KHDRBS2: variants seen among roughly 807,000 people sequenced by gnomAD.
KHDRBS2 encodes the protein KH RNA binding domain containing, signal transduction associated 2.
KHDRBS2 carries 26 observed loss-of-function variants against 44.3 expected under a neutral mutation model. The observed-to-expected ratio is 0.59, with a 90% CI of 0.43 to 0.81. KHDRBS2 has a LOEUF of 0.81. Among genes scored for constraint, KHDRBS2 ranks in the 40% least tolerant of loss-of-function variants. The pLI is 0.00. For missense variants in KHDRBS2, 476 were observed against 433.1 expected (o/e 1.10, Z -0.88); for synonymous variants, 194 against 151.1 (o/e 1.28, Z -2.08).
intron 8 of KHDRBS2, among the ~76,000 whole-genome samples, chr6:61,686,138 A>C (rs934388831): frequency 3.3e-5 from 5 of 151,752 alleles, no homozygotes; most frequent in African/African-American, 9.7e-5. Flanking sequence ...ATTTGTCTGT[A>C]TATCTGAAAT....
rs1562489972 is a variant in KHDRBS2, at chr6:61,945,103, A to ATATATATATATATGT, written c.483+32962_483+32963insACATATATATATATA. Among the ~76,000 whole-genome samples, 13 of 44,812 alleles carry ATATATATATATATGT rather than the reference A, an allele frequency of 2.9e-4. 3 individuals are homozygous for ATATATATATATATGT. The highest frequency in any genetic ancestry group is 7.6e-4 in the South Asian group (1 of 1,324). 29.4% of individuals were successfully genotyped at this position (44,812 alleles called of 152,430 possible). On this transcript the variant is annotated intron_variant, in intron 4 of 8. Transcript: ENST00000281156. Reference sequence around the variant, plus strand: ...GAGACTCTGTCTTAAAAAAAAAAAAAAAAAAAAAAGTATATATATATATAT... The same window carrying ATATATATATATATGT: ...GAGACTCTGTCTTAAAAAAAAAAAAATATATATATATATGTAAAAAAAAAGTATATATATATATAT...
At chr6:61,964,720 T>C (rs1382663182) in intron 4 of KHDRBS2, among the ~76,000 whole-genome samples, 1 of 152,062 alleles carries the variant, frequency 6.6e-6, no homozygotes, top group African/African-American at 2.4e-5. Context: ...ATTGTCTTGG[T>C]CTAGATTTCA....
chr6:62,164,557 T>G (rs1345978680), intron 2 of KHDRBS2, among the ~76,000 whole-genome samples: 1 of 151,840 alleles, frequency 6.6e-6, no homozygotes, highest in Admixed American at 6.6e-5. Flanking sequence ...AAATTATCTG[T>G]CTTACATTTA....
At chr6:62,264,525 G>A (rs765165803) in intron 1 of KHDRBS2, among the ~76,000 whole-genome samples, 1 of 151,630 alleles carries the variant, frequency 6.6e-6, no homozygotes, top group Admixed American at 6.6e-5. Context: ...GCATGGGTTG[G>A]CTATTTTCTT....
intron 2 of KHDRBS2, among the ~76,000 whole-genome samples, chr6:62,111,786 G>A (rs1428784576): frequency 6.6e-6 from 1 of 152,026 alleles, no homozygotes; most frequent in African/African-American, 2.4e-5. Flanking sequence ...TGAGGCTGAG[G>A]TGAAAGGATC....
At chr6:62,043,443 C>G (rs1190194169) in intron 3 of KHDRBS2, among the ~76,000 whole-genome samples, 2 of 152,028 alleles carry the variant, frequency 1.3e-5, no homozygotes, top group African/African-American at 2.4e-5. Context: ...TGTATATTTT[C>G]CTTTCTAGAT....
At chr6:61,970,593 A>G (rs1280843831) in intron 4 of KHDRBS2, among the ~76,000 whole-genome samples, 1 of 152,184 alleles carries the variant, frequency 6.6e-6, no homozygotes, top group Non-Finnish European at 1.5e-5. Flanking sequence ...CACATCGAAG[A>G]GTCCACTGAG....
At chr6:61,753,205 T>C (rs577116386) in intron 6 of KHDRBS2, among the ~76,000 whole-genome samples, 2 of 152,180 alleles carry the variant, frequency 1.3e-5, no homozygotes, top group East Asian at 3.9e-4. Flanking sequence ...CCATGTATCA[T>C]CCCTCTTTGT....
intron 6 of KHDRBS2, among the ~76,000 whole-genome samples, chr6:61,760,413 G>A (rs1364365187): frequency 1.3e-5 from 2 of 152,038 alleles, no homozygotes; most frequent in African/African-American, 2.4e-5. Context: ...CAGGTGGATC[G>A]CTTGAGCACA....
rs1468605850 is a variant in KHDRBS2 at position 62,128,518 on chromosome 6, T to G, written c.219+48667A>C. 2.0e-5 allele frequency among the ~76,000 whole-genome samples: 3 copies of G among 151,106 alleles called. No homozygotes were observed. The East Asian group carries it at 5.9e-4, about 30-fold the overall frequency. On this transcript the variant is annotated intron_variant, in intron 2 of 8. Coordinates refer to ENST00000281156, the MANE Select transcript of KHDRBS2 (RefSeq NM_152688.4). ...TGAGACACCATTTAAGTCAAAAATT[T>G]AATGATCTCTAAATTTCTTTTAATG...
At chr6:62,044,494 CAGAAAAAAAA>C (rs1237145575) in intron 3 of KHDRBS2, among the ~76,000 whole-genome samples, 1 of 148,660 alleles carries the variant, frequency 6.7e-6, no homozygotes, top group African/African-American at 2.5e-5. Flanking sequence ...GAGACACTGT[CAGAAAAAAAA>C]AGAAAAAGAA....
intron 2 of KHDRBS2, among the ~76,000 whole-genome samples, chr6:62,127,229 G>C (rs1809178383): frequency 6.6e-6 from 1 of 152,136 alleles, no homozygotes; most frequent in Non-Finnish European, 1.5e-5. Context: ...TATATTGAAA[G>C]TGTTTTGAAG....
intron 6 of KHDRBS2, among the ~76,000 whole-genome samples, chr6:61,741,757 A>G (rs1310480790): frequency 6.6e-6 from 1 of 152,012 alleles, no homozygotes; most frequent in Non-Finnish European, 1.5e-5. Flanking sequence ...TAAAGAGAAC[A>G]GAAGTGTCTT....
chr6:61,554,615 T>C, the KHDRBS2 span, among the ~76,000 whole-genome samples: 1 of 152,206 alleles, frequency 6.6e-6, no homozygotes, highest in African/African-American at 2.4e-5. Context: ...CATTGACCTA[T>C]GTACTTGTGT....
chr6:62,153,842 G>A (rs969858447), intron 2 of KHDRBS2, among the ~76,000 whole-genome samples: 3 of 152,050 alleles, frequency 2.0e-5, no homozygotes, highest in African/African-American at 7.2e-5. Context: ...CTCCATCCAG[G>A]CTTTGCCTAA....
intron 4 of KHDRBS2, among the ~76,000 whole-genome samples, chr6:61,966,806 T>G (rs1770046334): frequency 6.6e-6 from 1 of 151,974 alleles, no homozygotes; most frequent in Non-Finnish European, 1.5e-5. Flanking sequence ...AGACATTTCT[T>G]TTTATTTTCC....
intron 4 of KHDRBS2, among the ~76,000 whole-genome samples, chr6:61,964,261 A>G (rs1348347041): frequency 1.3e-5 from 2 of 152,050 alleles, no homozygotes; most frequent in Non-Finnish European, 2.9e-5. Flanking sequence ...ATTTCTGGCT[A>G]ATGAAAAAAT....
chr6:62,272,811 A>G (rs1840295073), intron 1 of KHDRBS2, among the ~76,000 whole-genome samples: 1 of 152,186 alleles, frequency 6.6e-6, no homozygotes, highest in Admixed American at 6.5e-5. Context: ...TATCGTATGT[A>G]GTTTTGTAAA....
chr6:61,895,098 T>C (rs1802707239), intron 5 of KHDRBS2, among the ~76,000 whole-genome samples: 1 of 150,326 alleles, frequency 6.7e-6, no homozygotes, highest in Admixed American at 6.6e-5. Flanking sequence ...TATTGTCTTT[T>C]ATATAACTAA....
Sources: gnomAD v4.1 joint callset for allele counts (sites outside exome capture counted in the v4.1 genomes callset) on GRCh38, gnomAD v4.1.1 for gene constraint, MANE v1.5 for transcripts, NCBI Gene and HGNC (gene_info 2026-07-23, HGNC 2026-07-21) for gene names.